The following THOC5 variants were observed in gnomAD, a reference collection of about 807,000 sequenced individuals.
THOC5 encodes Fms-interacting protein.
A neutral mutation model predicts 92.9 loss-of-function variants in THOC5; 43 were observed. The observed-to-expected ratio is 0.46, with a 90% CI of 0.36 to 0.60. The LOEUF is 0.60. THOC5 is among the 20% of genes least tolerant of loss of function. THOC5 has a pLI of 0.00. For missense variants in THOC5, 659 were observed against 849.4 expected (o/e 0.78, Z 2.79); for synonymous variants, 296 against 320.1 (o/e 0.92, Z 0.80).
chr22:29,528,315 C>G (rs747498234), intron 10 of THOC5, 111 bp downstream of exon 10: 2 of 1,614,026 alleles, frequency 1.2e-6, no homozygotes, highest in Admixed American at 3.3e-5. Flanking sequence ...CCCCTCCCAG[C>G]AGCACCTTCT....
At chr22:29,539,257 T>TG (rs2063829405) in intron 6 of THOC5, 73 bp downstream of exon 6, 1 of 1,497,768 alleles carries the variant, frequency 6.7e-7, no homozygotes, top group African/African-American at 1.4e-5. Flanking sequence ...CACAGTGTTT[T>TG]GCTGCCTTAT....
At chr22:29,553,329 G>C (rs1366291421) in intron 1 of THOC5, 1 of 152,962 alleles carries the variant, frequency 6.5e-6, no homozygotes, top group Admixed American at 6.5e-5. Context: ...GACCTGAAAG[G>C]CTTAAGTGTG....
intron 14 of THOC5, among the ~76,000 whole-genome samples, chr22:29,519,634 C>CT (rs34656123): frequency 0.24 from 33,815 of 140,788 alleles, 4,492 homozygotes; most frequent in East Asian, 0.67. Context: ...CATGACAGGC[C>CT]TTTTTTTTTT....
At chr22:29,531,230 C>T (rs972941400) in intron 8 of THOC5, 29 of 1,022,460 alleles carry the variant, frequency 2.8e-5, no homozygotes, top group African/African-American at 1.4e-4. Context: ...AGCACTGGTG[C>T]GGTGTATGTC....
At chr22:29,540,693 T>G (rs1032809182) in intron 5 of THOC5, among the ~76,000 whole-genome samples, 1 of 152,198 alleles carries the variant, frequency 6.6e-6, no homozygotes, top group Non-Finnish European at 1.5e-5. Context: ...TTGGAAATAG[T>G]TTAAGACTCC....
At chr22:29,520,621 C>A (rs145584274) in intron 13 of THOC5, among the ~76,000 whole-genome samples, 234 of 152,256 alleles carry the variant, frequency 1.5e-3, no homozygotes, top group African/African-American at 5.3e-3. Context: ...TCAACCTCCC[C>A]AGTAGCTGGG....
rs377004907 is a variant in THOC5, at chr22:29,545,503, A to T, written c.97-900T>A. Reference sequence around the variant, plus strand: ...CCGCCTATGAGCCTGTAAAATCAAAAGCAAGCTAGTTACTTCGTAGATACA... The same window carrying T: ...CCGCCTATGAGCCTGTAAAATCAAATGCAAGCTAGTTACTTCGTAGATACA... On this transcript the variant is annotated intron_variant, in intron 2 of 19. Coordinates refer to ENST00000490103, the MANE Select transcript of THOC5 (RefSeq NM_003678.5). Among the ~76,000 whole-genome samples, 5 of 152,232 alleles carry T rather than the reference A, an allele frequency of 3.3e-5. No homozygotes were observed. The East Asian group carries it at 9.6e-4, about 29-fold the overall frequency.
intron 3 of THOC5, 109 bp from the exon 4 acceptor site, chr22:29,543,651 G>A: frequency 1.5e-6 from 1 of 662,746 alleles, no homozygotes; most frequent in Admixed American, 2.6e-5. Flanking sequence ...GGCACCGGAG[G>A]GAGCTCAGAA....
At chr22:29,516,119 G>A (rs1283993079) in intron 17 of THOC5, among the ~76,000 whole-genome samples, 3 of 150,606 alleles carry the variant, frequency 2.0e-5, no homozygotes, top group Non-Finnish European at 2.9e-5. Context: ...CTCCAGCCTG[G>A]GCGACAAAGC....
intron 5 of THOC5, among the ~76,000 whole-genome samples, chr22:29,541,718 G>A (rs564681624): frequency 4.0e-5 from 6 of 149,274 alleles, no homozygotes; most frequent in South Asian, 2.1e-4. Context: ...AATATTAGCC[G>A]GGCGTGGTGG....
intron 19 of THOC5, among the ~76,000 whole-genome samples, chr22:29,509,994 C>G (rs2063194075): frequency 1.3e-5 from 2 of 152,242 alleles, no homozygotes; most frequent in Admixed American, 1.3e-4. Context: ...GATTATCACT[C>G]TTCTTCCTTC....
intron 11 of THOC5, among the ~76,000 whole-genome samples, chr22:29,526,516 A>T (rs1421288904): frequency 6.6e-6 from 1 of 151,978 alleles, no homozygotes; most frequent in Admixed American, 6.6e-5. Context: ...TGGGCAACAG[A>T]GCGAGACTCT....
chr22:29,527,516 T>C (rs945827941), intron 11 of THOC5, among the ~76,000 whole-genome samples: 6 of 152,144 alleles, frequency 3.9e-5, no homozygotes, highest in Non-Finnish European at 8.8e-5. Flanking sequence ...AGCAGATAAA[T>C]ATACATTTGT....
At position 29,518,944 on chromosome 22, in the gene THOC5, AGTT is replaced by A. The variant is rs1012651753; in HGVS notation, c.1489+59_1489+61del. ...GATTCAAGTTTTGAGTGAAAGGCTA[AGTT>A]GTTGTTGTCCGTGTGTTGTCTGAGT... On this transcript the variant is annotated intron_variant, in intron 15 of 19. Coordinates refer to ENST00000490103, the MANE Select transcript of THOC5 (RefSeq NM_003678.5). 36 of 1,066,416 alleles carry A rather than the reference AGTT, an allele frequency of 3.4e-5. No individual in the cohort carries two copies. The African/African-American group carries it at 5.0e-4, about 15-fold the overall frequency. 66.1% of individuals were successfully genotyped at this position (1,066,416 alleles called of 1,614,324 possible).
intron 5 of THOC5, among the ~76,000 whole-genome samples, chr22:29,542,479 T>G (rs189791766): frequency 6.6e-6 from 1 of 152,208 alleles, no homozygotes; most frequent in East Asian, 1.9e-4. Flanking sequence ...AAAGAGAGAC[T>G]TAGGCTGGGA....
intron 1 of THOC5, among the ~76,000 whole-genome samples, chr22:29,550,994 C>T (rs2146577013): frequency 6.6e-6 from 1 of 152,190 alleles, no homozygotes; most frequent in South Asian, 2.1e-4. Context: ...CCTTAAACAA[C>T]AAAATCTAGC....
Position 29,508,379 on chromosome 22 carries a change from A to C in THOC5, c.*78T>G. ...GTGTCTTTGGAGAATATCAAGAGTC[A>C]CATGTGGGCCAGAGCAGAAAGCAGA... On this transcript the variant is annotated 3_prime_UTR_variant, in exon 20 of 20. Transcript: ENST00000490103. The C allele has an allele frequency of 7.1e-7, 1 of 1,410,604 alleles. No homozygotes were observed. The highest frequency in any genetic ancestry group is 1.8e-5 in the Admixed American group (1 of 56,286). 87.4% of individuals were successfully genotyped at this position (1,410,604 alleles called of 1,614,324 possible). A position where few individuals can be genotyped will look rare whatever the true frequency, so the allele number is the denominator to read the frequency against.
intron 9 of THOC5, 71 bp downstream of exon 9, chr22:29,529,087 GTTCT>G: frequency 6.9e-7 from 1 of 1,444,562 alleles, no homozygotes; most frequent in African/African-American, 1.4e-5. Context: ...AGTCCAGCTA[GTTCT>G]CCAAAGACCA....
chr22:29,538,800 GGAAAAAAAAA>G (rs1276898181), intron 6 of THOC5, among the ~76,000 whole-genome samples: 4 of 32,988 alleles, frequency 1.2e-4, no homozygotes, highest in African/African-American at 4.4e-4. Flanking sequence ...CCATCTCTTT[GGAAAAAAAAA>G]AAAAAAAAAA....
Sources: allele counts gnomAD v4.1 joint callset (sites outside exome capture counted in the v4.1 genomes callset), GRCh38; gene constraint gnomAD v4.1.1; transcripts MANE v1.5; gene names NCBI Gene and HGNC (gene_info 2026-07-23, HGNC 2026-07-21).